EXOC6B: variants seen among roughly 807,000 people sequenced by gnomAD.
The protein encoded by EXOC6B is exocyst complex component 6B.
In EXOC6B, 54 loss-of-function variants were observed where a neutral mutation model predicts 113.5. That is an observed-to-expected ratio of 0.48 (90% CI 0.38 to 0.60). The LOEUF is 0.60. Among genes scored for constraint, EXOC6B ranks in the 20% least tolerant of loss-of-function variants. The probability of loss-of-function intolerance (pLI) is 0.00; values close to 1 mark genes in which losing one functional copy is unlikely to be tolerated. For missense variants in EXOC6B, 797 were observed against 977.5 expected, an observed-to-expected ratio of 0.82 and a Z score of 2.46; for synonymous variants, 357 against 339.0, an observed-to-expected ratio of 1.05 and a Z score of -0.58.
chr2:72,218,750 A>G (rs1680686156), intron 20 of EXOC6B, among the ~76,000 whole-genome samples: 1 of 151,280 alleles, frequency 6.6e-6, no homozygotes, highest in African/African-American at 2.4e-5. Context: ...GCAACCTCCG[A>G]CTCCCTGGTT....
Position 72,334,988 on chromosome 2 carries a change from G to A in EXOC6B, c.2155C>T (p.Gln719Ter). Residue 719 changes from glutamine to a stop codon, truncating the protein, a stop_gained, in exon 20 of 22, where the codon CAG becomes TAG. Transcript: ENST00000272427. LOFTEE classifies it high-confidence loss of function. ...FARSGPVPGF[Q>*]EDTLQLAFID... ...AAGGCCAACTGCAGCGTGTCCTCCT[G>A]GAACCCAGGCACCGGGCCGGATCTG... is the stretch of plus-strand genomic sequence containing the variant. The A allele has an allele frequency of 6.2e-7, 1 of 1,613,380 alleles. No individual in the cohort carries two copies. Among genetic ancestry groups the A allele is most frequent in the Non-Finnish European group, 8.5e-7 (1 of 1,179,494 alleles).
intron 6 of EXOC6B, among the ~76,000 whole-genome samples, chr2:72,611,644 T>A (rs1471984522): frequency 6.6e-6 from 1 of 152,112 alleles, no homozygotes; most frequent in Non-Finnish European, 1.5e-5. Context: ...GAACACTTCA[T>A]ATTATCTTTG....
chr2:72,376,592 T>C (rs555958733), intron 19 of EXOC6B, among the ~76,000 whole-genome samples: 1 of 152,318 alleles, frequency 6.6e-6, no homozygotes, highest in South Asian at 2.1e-4. Flanking sequence ...TTTAAATTCG[T>C]GTGTTAATAC....
At chr2:72,612,723 A>G (rs372578635) in intron 6 of EXOC6B, among the ~76,000 whole-genome samples, 1 of 152,188 alleles carries the variant, frequency 6.6e-6, no homozygotes, top group South Asian at 2.1e-4. Context: ...CTGGGACCCA[A>G]CTAGCATCAT....
intron 6 of EXOC6B, among the ~76,000 whole-genome samples, chr2:72,633,409 T>C (rs548465578): frequency 1.3e-5 from 2 of 152,256 alleles, no homozygotes; most frequent in Admixed American, 6.5e-5. Context: ...TATGCTGTTG[T>C]TGTTGTTGTT....
chr2:72,365,949 T>C (rs2105002699), intron 19 of EXOC6B, among the ~76,000 whole-genome samples: 1 of 152,172 alleles, frequency 6.6e-6, no homozygotes, highest in East Asian at 1.9e-4. Flanking sequence ...AAGTCTTGAA[T>C]GAATCCAATT....
intron 1 of EXOC6B, among the ~76,000 whole-genome samples, chr2:72,800,350 G>T (rs1477314099): frequency 6.6e-6 from 1 of 152,006 alleles, no homozygotes; most frequent in Non-Finnish European, 1.5e-5. Context: ...AAGATAAATT[G>T]ATTTGACCAA....
At chr2:72,781,496 C>A (rs574560648) in intron 1 of EXOC6B, among the ~76,000 whole-genome samples, 1 of 152,280 alleles carries the variant, frequency 6.6e-6, no homozygotes, top group Non-Finnish European at 1.5e-5. Flanking sequence ...ATATTTTCAG[C>A]TTTATGGGAC....
intron 20 of EXOC6B, among the ~76,000 whole-genome samples, chr2:72,317,789 C>T (rs2104815754): frequency 6.6e-6 from 1 of 152,190 alleles, no homozygotes; most frequent in South Asian, 2.1e-4. Context: ...ATTGTCACTC[C>T]TAGTTTCTTG....
intron 1 of EXOC6B, among the ~76,000 whole-genome samples, chr2:72,811,141 C>T (rs922686524): frequency 5.9e-5 from 9 of 151,814 alleles, no homozygotes; most frequent in African/African-American, 2.2e-4. Flanking sequence ...AAGACCAGCC[C>T]GTCTCTACTA....
chr2:72,747,568 T>C (rs569567237), intron 1 of EXOC6B, among the ~76,000 whole-genome samples: 11 of 152,182 alleles, frequency 7.2e-5, no homozygotes, highest in Admixed American at 2.0e-4. Context: ...AATTTCCCAT[T>C]GTTTAAGCCA....
intron 20 of EXOC6B, among the ~76,000 whole-genome samples, chr2:72,211,470 C>A (rs1680184027): frequency 6.6e-6 from 1 of 152,168 alleles, no homozygotes; most frequent in African/African-American, 2.4e-5. Context: ...TCTGCACATG[C>A]ACCTTTACTC....
At chr2:72,779,483 A>T (rs1235627251) in intron 1 of EXOC6B, among the ~76,000 whole-genome samples, 4 of 152,146 alleles carry the variant, frequency 2.6e-5, no homozygotes, top group African/African-American at 9.7e-5. Flanking sequence ...TTATCAAGCA[A>T]ATATGCTAAA....
intron 18 of EXOC6B, among the ~76,000 whole-genome samples, chr2:72,413,958 A>C (rs1388677632): frequency 6.6e-6 from 1 of 152,230 alleles, no homozygotes; most frequent in African/African-American, 2.4e-5. Flanking sequence ...ACTTGCAGTC[A>C]ATTCAAATTC....
intron 20 of EXOC6B, among the ~76,000 whole-genome samples, chr2:72,225,500 A>G (rs1394919074): frequency 6.6e-6 from 1 of 152,190 alleles, no homozygotes; most frequent in African/African-American, 2.4e-5. Context: ...TAGTGGCCCT[A>G]GAGGACAGGG....
At chr2:72,430,758 G>GAAAT (rs1190122505) in intron 18 of EXOC6B, among the ~76,000 whole-genome samples, 1 of 152,188 alleles carries the variant, frequency 6.6e-6, no homozygotes, top group Non-Finnish European at 1.5e-5. Flanking sequence ...TCCACTGAAA[G>GAAAT]AAATAAATAA....
intron 21 of EXOC6B, among the ~76,000 whole-genome samples, chr2:72,182,467 T>C (rs1047029187): frequency 1.3e-5 from 2 of 152,102 alleles, no homozygotes; most frequent in Non-Finnish European, 2.9e-5. Flanking sequence ...ACTGTGGGAT[T>C]AAGCCTTGCC....
chr2:72,259,740 G>C (rs886788586), intron 20 of EXOC6B, among the ~76,000 whole-genome samples: 36 of 152,248 alleles, frequency 2.4e-4, no homozygotes, highest in African/African-American at 8.7e-4. Context: ...TGCCATGCTG[G>C]ATTTTTTGCT....
chr2:72,467,938 T>G (rs1296992933), intron 17 of EXOC6B, among the ~76,000 whole-genome samples: 2 of 152,020 alleles, frequency 1.3e-5, no homozygotes, highest in Admixed American at 6.6e-5. Context: ...GCCTGGCTAA[T>G]TTTTGTATAT....
Sources: allele counts gnomAD v4.1 joint callset (sites outside exome capture counted in the v4.1 genomes callset), GRCh38; gene constraint gnomAD v4.1.1; transcripts MANE v1.5; gene names NCBI Gene and HGNC (gene_info 2026-07-23, HGNC 2026-07-21).